Variants in SYN1 observed in about 807,000 individuals in gnomAD.
SYN1 encodes synapsin I.
Under a neutral mutation model 44.6 loss-of-function variants are expected in SYN1, and 8 were observed. That is an observed-to-expected ratio of 0.18 (90% CI 0.11 to 0.32). SYN1 has a LOEUF of 0.32. Among genes scored for constraint, SYN1 ranks in the 10% least tolerant of loss-of-function variants. SYN1 has a pLI of 1.00. For missense variants in SYN1, 451 were observed against 639.4 expected (o/e 0.71, Z 3.18); for synonymous variants, 275 against 280.1 (o/e 0.98, Z 0.18).
At chrX:47,610,230 T>A (rs1236475956) in intron 1 of SYN1, among the ~76,000 whole-genome samples, 1 of 110,715 alleles carries the variant, frequency 9.0e-6, no homozygotes, top group Non-Finnish European at 1.9e-5. Context: ...GCCCAGCACA[T>A]CTCCTGGGCC....
intron 1 of SYN1, among the ~76,000 whole-genome samples, chrX:47,608,134 C>T (rs2057904099): frequency 9.1e-6 from 1 of 110,022 alleles, no homozygotes. Context: ...CCCAGGAGGT[C>T]GAGGCTGTAG....
At chrX:47,597,099 T>G (rs1203266216) in intron 5 of SYN1, among the ~76,000 whole-genome samples, 4 of 111,398 alleles carry the variant, frequency 3.6e-5, no homozygotes, top group African/African-American at 1.3e-4. Context: ...TTTGGGAGAC[T>G]GAGGCGGGTG....
intron 3 of SYN1, among the ~76,000 whole-genome samples, chrX:47,605,886 T>C (rs1458769479): frequency 2.7e-5 from 3 of 110,401 alleles, no homozygotes; most frequent in Non-Finnish European, 5.7e-5. Context: ...TTTAGTGCTA[T>C]ATATATATTT....
chrX:47,615,827 G>A (rs1167446130), intron 1 of SYN1, among the ~76,000 whole-genome samples: 1 of 111,036 alleles, frequency 9.0e-6, no homozygotes, highest in African/African-American at 3.3e-5. Context: ...AGGAGACGGA[G>A]GTTGCAGTGA....
At chrX:47,610,663 C>T (rs1291668061) in intron 1 of SYN1, among the ~76,000 whole-genome samples, 1 of 110,270 alleles carries the variant, frequency 9.1e-6, no homozygotes, top group Non-Finnish European at 1.9e-5. Context: ...GGAGGTAGAA[C>T]AGGAAGTTGG....
intron 1 of SYN1, among the ~76,000 whole-genome samples, chrX:47,615,296 T>C (rs771201059): frequency 1.4e-3 from 159 of 111,821 alleles, no homozygotes; most frequent in South Asian, 5.9e-3. Flanking sequence ...AAAGTTTCAA[T>C]AGATAATTAC....
intron 5 of SYN1, among the ~76,000 whole-genome samples, chrX:47,601,420 G>A (rs1456706896): frequency 9.0e-6 from 1 of 111,567 alleles, no homozygotes; most frequent in African/African-American, 3.3e-5. Flanking sequence ...GACATACCCA[G>A]GACCAGATGT....
At chrX:47,583,477 G>A in intron 5 of SYN1, 3 of 1,208,531 alleles carry the variant, frequency 2.5e-6, no homozygotes, top group Non-Finnish European at 3.4e-6. Context: ...ATAGCCCCCA[G>A]CAGGGCCTGC....
At chrX:47,597,764 CAGAG>C (rs2057868115) in intron 5 of SYN1, among the ~76,000 whole-genome samples, 1 of 111,779 alleles carries the variant, frequency 8.9e-6, no homozygotes, top group Non-Finnish European at 1.9e-5. Context: ...AAGCTAAAGA[CAGAG>C]AGAATCTTGA....
In SYN1 at chrX:47,607,113, A is replaced by AC. The variant is rs772871467; in HGVS notation, c.435+27dup. 4 of 1,204,854 alleles carry AC rather than the reference A, an allele frequency of 3.3e-6. No homozygotes were observed. In the Admixed American group the frequency reaches 6.6e-5, roughly 20 times the overall value. ...ACTCAGTTTGCAGTATGGACAACTG[A>AC]CCCCCAGGTCCAAATGTCCCAACTT... On this transcript the variant is annotated intron_variant, in intron 2 of 12. Coordinates refer to ENST00000295987, the MANE Select transcript of SYN1 (RefSeq NM_006950.3).
chrX:47,574,634 G>A (rs1183235116), intron 11 of SYN1, 44 bp from the exon 12 acceptor site: 6 of 1,125,609 alleles, frequency 5.3e-6, no homozygotes, highest in African/African-American at 1.8e-5. Flanking sequence ...AGAGTGAGCG[G>A]GTAAGAGATG....
At position 47,585,382 on chromosome X, in the gene SYN1, C is replaced by T. The variant is rs189627564; in HGVS notation, c.775-7881G>A. ...GCCACACCAACCAGTCCCTGGGGCGCGGCCTAGCAACCACGAGGGGGCGAG... is the reference window on the plus strand; with the variant it reads ...GCCACACCAACCAGTCCCTGGGGCGTGGCCTAGCAACCACGAGGGGGCGAG... On this transcript the variant is annotated intron_variant, in intron 5 of 12. Coordinates refer to ENST00000295987, the MANE Select transcript of SYN1 (RefSeq NM_006950.3). 2.3e-4 allele frequency: 274 copies of T among 1,204,905 alleles called. No homozygotes were observed. Among genetic ancestry groups the T allele is most frequent in the Middle Eastern group, 1.2e-3 (5 of 4,338 alleles).
chrX:47,586,202 G>C, intron 5 of SYN1: 2 of 753,405 alleles, frequency 2.7e-6, no homozygotes, highest in Non-Finnish European at 3.1e-6. Context: ...AAACTCCTTA[G>C]CCGCCAACCG....
intron 1 of SYN1, among the ~76,000 whole-genome samples, chrX:47,615,931 C>T (rs779660526): frequency 5.5e-4 from 61 of 111,318 alleles, no homozygotes; most frequent in African/African-American, 2.0e-3. Flanking sequence ...ACAAAATTAC[C>T]CACAAAATGG....
At chrX:47,604,399 C>T (rs898149621) in intron 5 of SYN1, among the ~76,000 whole-genome samples, 3 of 109,724 alleles carry the variant, frequency 2.7e-5, no homozygotes, top group South Asian at 3.9e-4. Context: ...ACTACAGGCA[C>T]GCACCACCAT....
intron 5 of SYN1, among the ~76,000 whole-genome samples, chrX:47,603,356 C>T (rs927297152): frequency 1.1e-4 from 12 of 110,817 alleles, no homozygotes; most frequent in Admixed American, 3.9e-4. Context: ...GCCACCATGC[C>T]GGGCTGATTT....
intron 5 of SYN1, among the ~76,000 whole-genome samples, chrX:47,588,542 A>G (rs1457369931): frequency 8.9e-6 from 1 of 112,117 alleles, no homozygotes; most frequent in Non-Finnish European, 1.9e-5. Context: ...TGCAATGCAG[A>G]ATGGACAGGG....
At chrX:47,609,914 T>C (rs751434383) in intron 1 of SYN1, among the ~76,000 whole-genome samples, 1 of 111,190 alleles carries the variant, frequency 9.0e-6, no homozygotes, top group South Asian at 3.8e-4. Flanking sequence ...TTCCTGATGG[T>C]GGGCTGTAAT....
In SYN1 at chrX:47,614,568, C is replaced by T. The variant is rs924870666; in HGVS notation, c.377+4784G>A. ...AGACCGATTAGAATTCTGGAAATGC[C>T]GTTCCCCAATGGGGTGAACTTACTA... On this transcript the variant is annotated intron_variant, in intron 1 of 12. Coordinates refer to ENST00000295987, the MANE Select transcript of SYN1 (RefSeq NM_006950.3). Among the ~76,000 whole-genome samples, 15 of 112,105 alleles carry T rather than the reference C, an allele frequency of 1.3e-4. No homozygotes were observed. The East Asian group carries it at 2.2e-3, about 17-fold the overall frequency.
Sources: gnomAD v4.1 joint callset for allele counts (sites outside exome capture counted in the v4.1 genomes callset) on GRCh38, gnomAD v4.1.1 for gene constraint, MANE v1.5 for transcripts, NCBI Gene and HGNC (gene_info 2026-07-23, HGNC 2026-07-21) for gene names.